Variants in HELLS observed in about 807,000 individuals in gnomAD.
The protein encoded by HELLS is helicase, lymphoid specific.
In HELLS, 32 loss-of-function variants were observed where a neutral mutation model predicts 120.0. That is an observed-to-expected ratio of 0.27 (90% CI 0.20 to 0.36). HELLS has a LOEUF of 0.36. Among genes scored for constraint, HELLS ranks in the 10% least tolerant of loss-of-function variants. The pLI, the probability that HELLS is intolerant of heterozygous loss-of-function variation, is 1.00. For synonymous variants in HELLS, 341 were observed against 323.4 expected (o/e 1.05, Z -0.58); for missense variants, 650 against 993.4 (o/e 0.65, Z 4.65).
intron 13 of HELLS, among the ~76,000 whole-genome samples, chr10:94,589,423 A>G (rs1391840593): frequency 6.6e-6 from 1 of 152,186 alleles, no homozygotes; most frequent in Non-Finnish European, 1.5e-5. Flanking sequence ...GGGATGTTCT[A>G]CCTGTACAGT....
At chr10:94,590,860 T>C in intron 15 of HELLS, 84 bp downstream of exon 15, 1 of 733,070 alleles carries the variant, frequency 1.4e-6, no homozygotes, top group Non-Finnish European at 2.1e-6. Context: ...TTGATTATAA[T>C]TATTAAAAAT....
intron 9 of HELLS, among the ~76,000 whole-genome samples, chr10:94,576,395 G>A (rs1354671985): frequency 6.6e-6 from 1 of 152,072 alleles, no homozygotes; most frequent in African/African-American, 2.4e-5. Context: ...TTAGAGATCG[G>A]CTTGCCTTGG....
chr10:94,578,261 CCCCAACCTT>C (rs1160169051), intron 10 of HELLS, among the ~76,000 whole-genome samples: 1 of 151,860 alleles, frequency 6.6e-6, no homozygotes, highest in African/African-American at 2.4e-5. Context: ...AACCAGTAGT[CCCCAACCTT>C]TTGGCACCAG....
At chr10:94,587,799 C>G (rs1845247072) in intron 12 of HELLS, among the ~76,000 whole-genome samples, 1 of 152,174 alleles carries the variant, frequency 6.6e-6, no homozygotes, top group African/African-American at 2.4e-5. Context: ...CCCTGTTGTG[C>G]TACCAAATAT....
chr10:94,583,934 TGTA>T, intron 12 of HELLS: 2 of 473,116 alleles, frequency 4.2e-6, no homozygotes, highest in South Asian at 8.2e-5. Flanking sequence ...TAAACAAGGT[TGTA>T]GTATCTGTAT....
chr10:94,586,155 C>G (rs1845133521), intron 12 of HELLS, among the ~76,000 whole-genome samples: 1 of 151,784 alleles, frequency 6.6e-6, no homozygotes, highest in Non-Finnish European at 1.5e-5. Context: ...GAATCTTGCT[C>G]TATTGCCCAG....
chr10:94,546,240 G>A, intron 1 of HELLS, 137 bp from the exon 2 acceptor site: 1 of 1,010,188 alleles, frequency 9.9e-7, no homozygotes, highest in Non-Finnish European at 1.5e-6. Context: ...TGTCTTCTGA[G>A]AGGTGATGCT....
At chr10:94,567,589 A>G (rs1204272152) in intron 6 of HELLS, among the ~76,000 whole-genome samples, 1 of 152,126 alleles carries the variant, frequency 6.6e-6, no homozygotes, top group Admixed American at 6.6e-5. Context: ...GAGCCACTGC[A>G]CCGGCCTATT....
rs535102456 is a variant in HELLS at position 94,576,672 on chromosome 10, T to C, written c.899T>C (p.Met300Thr). 5 of 1,596,216 alleles carry C rather than the reference T, an allele frequency of 3.1e-6. No individual in the cohort carries two copies. The Admixed American group carries it at 5.1e-5, about 16-fold the overall frequency. Residue 300 changes from methionine (M) to threonine (T), a missense_variant, in exon 10 of 22, where the codon ATG becomes ACG. Coordinates refer to ENST00000348459, the MANE Select transcript of HELLS (RefSeq NM_018063.5). ...FKRFTPDIPT[M>T]LYHGTQEERQ... Reference sequence around the variant, plus strand: ...TATAAAATTTTTCAGATCCCTACAATGTTATATCATGGAACCCAGGAGGAA... The same window carrying C: ...TATAAAATTTTTCAGATCCCTACAACGTTATATCATGGAACCCAGGAGGAA...
chr10:94,581,639 T>A lies in HELLS; in HGVS notation c.1229+117T>A, dbSNP rs962390514. On this transcript the variant is annotated intron_variant, in intron 11 of 21. Transcript: ENST00000348459. ...AATATTTGGCAAGTTCTTTGTGGTG[T>A]ATATTGTATGTTCTACTCCTGCCAC... 5 of 668,596 alleles carry A rather than the reference T, an allele frequency of 7.5e-6. No homozygotes were observed. The East Asian group carries it at 1.4e-4, about 18-fold the overall frequency. The allele number at this position is 668,596 out of a possible 1,614,324, so 41.4% of individuals were successfully genotyped here.
chr10:94,594,870 G>T lies in HELLS; in HGVS notation c.2248+16G>T. 6.4e-7 allele frequency: 1 copy of T among 1,572,196 alleles called. No homozygotes were observed. Among genetic ancestry groups the T allele is most frequent in the Non-Finnish European group, 8.7e-7 (1 of 1,145,826 alleles). On this transcript the variant is annotated intron_variant, in intron 19 of 21. Transcript: ENST00000348459. Reference sequence around the variant, plus strand: ...ATCCATAAAAGTAAATAACACTTATGTAGTGCTTTATTGTTTAAATTGTGC... The same window carrying T: ...ATCCATAAAAGTAAATAACACTTATTTAGTGCTTTATTGTTTAAATTGTGC...
At chr10:94,611,804 G>C (rs1470659207) in exon 10 of HELLS, 1 of 152,150 alleles carries the variant, frequency 6.6e-6, no homozygotes, top group Non-Finnish European at 1.5e-5. Context: ...TGAGGGGAGG[G>C]AAAGAAACAA....
At chr10:94,598,751 G>C (rs1257729804) in intron 21 of HELLS, among the ~76,000 whole-genome samples, 2 of 150,618 alleles carry the variant, frequency 1.3e-5, no homozygotes, top group Admixed American at 6.6e-5. Context: ...ATTTTTTTCT[G>C]TTCACTCATG....
chr10:94,606,269 T>C (rs1384091526), downstream of HELLS, among the ~76,000 whole-genome samples: 4 of 152,098 alleles, frequency 2.6e-5, no homozygotes, highest in Non-Finnish European at 5.9e-5. Flanking sequence ...AAATCTGTCT[T>C]TTAATTCATG....
chr10:94,557,205 G>A (rs1389221355), intron 3 of HELLS: 1 of 418,432 alleles, frequency 2.4e-6, no homozygotes, highest in Non-Finnish European at 4.9e-6. Flanking sequence ...AAAAACTTGT[G>A]CAAATTGAGA....
intron 1 of HELLS, 62 bp downstream of exon 1, chr10:94,546,014 G>T: frequency 6.5e-7 from 1 of 1,538,140 alleles, no homozygotes; most frequent in South Asian, 1.2e-5. Flanking sequence ...GGGCAAGCAT[G>T]GAGGCTGCGG....
chr10:94,591,679 C>T (rs1012775195), intron 15 of HELLS, among the ~76,000 whole-genome samples: 4 of 152,094 alleles, frequency 2.6e-5, no homozygotes, highest in African/African-American at 9.7e-5. Context: ...AGGTGGAGGG[C>T]AAAATTGTCC....
exon 9 of HELLS, chr10:94,608,004 C>G (rs544664023): frequency 2.9e-6 from 1 of 346,720 alleles, no homozygotes; most frequent in South Asian, 2.2e-5. Flanking sequence ...GGATTACAAG[C>G]GTGAGCCACT....
chr10:94,594,479 T>C (rs1845648307), intron 18 of HELLS, among the ~76,000 whole-genome samples: 1 of 152,192 alleles, frequency 6.6e-6, no homozygotes, highest in Non-Finnish European at 1.5e-5. Context: ...GTGCCCATCC[T>C]GAAATGTTTT....
Sources: allele counts gnomAD v4.1 joint callset (sites outside exome capture counted in the v4.1 genomes callset), GRCh38; gene constraint gnomAD v4.1.1; transcripts MANE v1.5; gene names NCBI Gene and HGNC (gene_info 2026-07-23, HGNC 2026-07-21).